RASGRF2: variants seen among roughly 807,000 people sequenced by gnomAD.
RASGRF2 encodes the protein Ras protein specific guanine nucleotide releasing factor 2.
A neutral mutation model predicts 151.0 loss-of-function variants in RASGRF2; 76 were observed. That is an observed-to-expected ratio of 0.50 (90% CI 0.42 to 0.61). The LOEUF (loss-of-function observed/expected upper bound fraction) is 0.61. RASGRF2 is among the 20% of genes least tolerant of loss of function. RASGRF2 has a pLI of 0.00. For synonymous variants in RASGRF2, 504 were observed against 566.5 expected (o/e 0.89, Z 1.57); for missense variants, 1,148 against 1,564.6 (o/e 0.73, Z 4.49).
intron 18 of RASGRF2, among the ~76,000 whole-genome samples, chr5:81,195,427 A>G (rs1308206436): frequency 2.0e-5 from 3 of 152,180 alleles, no homozygotes; most frequent in East Asian, 1.9e-4. Context: ...ATTTCTTTCT[A>G]TTGAGGAGCA....
At chr5:81,055,186 G>A (rs1199374922) in intron 2 of RASGRF2, among the ~76,000 whole-genome samples, 1 of 152,122 alleles carries the variant, frequency 6.6e-6, no homozygotes, top group Non-Finnish European at 1.5e-5. Flanking sequence ...GCTGAGAGAG[G>A]GCATCCCTGT....
rs1751063173 is a variant in RASGRF2, at chr5:81,052,992, A to G, written c.395+10009A>G. Among the ~76,000 whole-genome samples, 3 of 152,150 alleles carry G rather than the reference A, an allele frequency of 2.0e-5. No homozygotes were observed. In the South Asian group the frequency reaches 6.2e-4, roughly 32 times the overall value. ...ATATATACAAACAAACCACAGAGAT[A>G]TCTCTCCCCATAAATTAGATTCTTA... is the stretch of plus-strand genomic sequence containing the variant. On this transcript the variant is annotated intron_variant, in intron 2 of 26. Transcript: ENST00000265080.
chr5:81,060,022 G>T (rs959202477), intron 2 of RASGRF2, among the ~76,000 whole-genome samples: 13 of 152,156 alleles, frequency 8.5e-5, no homozygotes, highest in African/African-American at 2.9e-4. Context: ...GAGCAAGTGG[G>T]TCATACAGCA....
chr5:81,189,906 G>T (rs1231997230), intron 18 of RASGRF2, among the ~76,000 whole-genome samples: 1 of 151,602 alleles, frequency 6.6e-6, no homozygotes, highest in Non-Finnish European at 1.5e-5. Flanking sequence ...TGGAAACGGG[G>T]TTTCACCATA....
chr5:81,143,099 A>G (rs573230281), intron 17 of RASGRF2, among the ~76,000 whole-genome samples: 5 of 152,314 alleles, frequency 3.3e-5, no homozygotes, highest in African/African-American at 9.6e-5. Flanking sequence ...GACAAAAGCT[A>G]TCTGAACATA....
At chr5:80,990,517 G>C (rs1748616096) in intron 1 of RASGRF2, among the ~76,000 whole-genome samples, 1 of 152,176 alleles carries the variant, frequency 6.6e-6, no homozygotes, top group Non-Finnish European at 1.5e-5. Context: ...CTTCCTATCT[G>C]CCGGGGGCAT....
chr5:81,225,392 C>T (rs1184100421), intron 26 of RASGRF2, among the ~76,000 whole-genome samples: 2 of 152,020 alleles, frequency 1.3e-5, no homozygotes, highest in African/African-American at 4.8e-5. Context: ...TCTGTAAGTA[C>T]ATGTAATCTC....
At chr5:81,133,408 A>G (rs1348881420) in intron 17 of RASGRF2, among the ~76,000 whole-genome samples, 3 of 152,258 alleles carry the variant, frequency 2.0e-5, no homozygotes, top group African/African-American at 4.8e-5. Context: ...AGAGCTCTGC[A>G]TAAAGTAGAA....
At chr5:81,074,394 A>G (rs546205006) in intron 5 of RASGRF2, among the ~76,000 whole-genome samples, 5 of 152,334 alleles carry the variant, frequency 3.3e-5, no homozygotes, top group South Asian at 2.1e-4. Context: ...TTGAGTAGAT[A>G]GTACACTCAC....
intron 2 of RASGRF2, among the ~76,000 whole-genome samples, chr5:81,062,090 C>T (rs1186613323): frequency 6.6e-6 from 1 of 151,736 alleles, no homozygotes; most frequent in Non-Finnish European, 1.5e-5. Flanking sequence ...TATCCTCTCA[C>T]CTCAGCTTCC....
intron 2 of RASGRF2, among the ~76,000 whole-genome samples, chr5:81,059,680 AC>A (rs1425052444): frequency 6.6e-6 from 1 of 151,642 alleles, no homozygotes; most frequent in African/African-American, 2.4e-5. Flanking sequence ...CCCCGTCTCT[AC>A]TAAAAATATA....
At chr5:80,987,481 G>A (rs529420855) in intron 1 of RASGRF2, among the ~76,000 whole-genome samples, 1 of 152,262 alleles carries the variant, frequency 6.6e-6, no homozygotes, top group East Asian at 1.9e-4. Context: ...TTTTATTTCA[G>A]CTTCATGAAA....
At chr5:81,079,790 G>GA (rs1475752560) in intron 5 of RASGRF2, among the ~76,000 whole-genome samples, 5 of 151,732 alleles carry the variant, frequency 3.3e-5, no homozygotes, top group East Asian at 1.9e-4. Context: ...CATATGAAGA[G>GA]AAAAAAGGAT....
chr5:81,194,025 T>G (rs62364985), intron 18 of RASGRF2, among the ~76,000 whole-genome samples: 6,915 of 152,182 alleles, frequency 0.045, 222 homozygotes, highest in Middle Eastern at 0.11. Context: ...AGTATTGCTA[T>G]TGACGATTAA....
chr5:81,145,489 C>T (rs1753984829), intron 17 of RASGRF2, among the ~76,000 whole-genome samples: 1 of 152,166 alleles, frequency 6.6e-6, no homozygotes, highest in African/African-American at 2.4e-5. Context: ...GTGGGCTGGA[C>T]TTAGTAACTT....
chr5:81,207,937 C>T (rs973352958), intron 21 of RASGRF2, among the ~76,000 whole-genome samples: 1 of 152,222 alleles, frequency 6.6e-6, no homozygotes, highest in African/African-American at 2.4e-5. Context: ...CTGCTTCTGA[C>T]TAACATTTTT....
At chr5:81,085,518 T>C (rs1752203026) in intron 7 of RASGRF2, among the ~76,000 whole-genome samples, 1 of 152,094 alleles carries the variant, frequency 6.6e-6, no homozygotes, top group Non-Finnish European at 1.5e-5. Flanking sequence ...GATTCAAAAG[T>C]GTATGATTAT....
intron 17 of RASGRF2, among the ~76,000 whole-genome samples, chr5:81,148,727 G>A (rs1213282236): frequency 6.6e-6 from 1 of 151,674 alleles, no homozygotes; most frequent in Non-Finnish European, 1.5e-5. Context: ...AATGCGAAAT[G>A]ACGAGTTAAT....
chr5:80,970,115 G>A (rs181820889), intron 1 of RASGRF2, among the ~76,000 whole-genome samples: 15 of 152,230 alleles, frequency 9.9e-5, no homozygotes, highest in East Asian at 3.9e-4. Context: ...ATGAGCCACC[G>A]CGCCCTTTGC....
Sources: allele counts gnomAD v4.1 joint callset (sites outside exome capture counted in the v4.1 genomes callset), GRCh38; gene constraint gnomAD v4.1.1; transcripts MANE v1.5; gene names NCBI Gene and HGNC (gene_info 2026-07-23, HGNC 2026-07-21).